The following CTNNA2 variants were observed in gnomAD, a reference collection of about 807,000 sequenced individuals.
The protein encoded by CTNNA2 is catenin alpha-2.
CTNNA2 carries 42 observed loss-of-function variants against 101.0 expected under a neutral mutation model. The ratio of observed to expected loss-of-function variants is 0.42; its 90% confidence interval spans 0.32 to 0.54. The LOEUF (loss-of-function observed/expected upper bound fraction) is 0.54. Ranked by LOEUF, CTNNA2 falls within the 20% of genes least tolerant of loss-of-function variation. The pLI, the probability that CTNNA2 is intolerant of heterozygous loss-of-function variation, is 0.14. For synonymous variants in CTNNA2, 450 were observed against 456.4 expected (o/e 0.99, Z 0.18); for missense variants, 871 against 1,223.1 (o/e 0.71, Z 4.29).
chr2:79,250,620 G>A (rs1674759262), intron 2 of CTNNA2, among the ~76,000 whole-genome samples: 1 of 152,130 alleles, frequency 6.6e-6, no homozygotes, highest in Non-Finnish European at 1.5e-5. Context: ...CCCTGTTGAG[G>A]AGTCTCTGGG....
intron 3 of CTNNA2, chr2:79,339,992 C>T (rs893768324): frequency 6.6e-6 from 1 of 152,274 alleles, no homozygotes; most frequent in South Asian, 2.1e-4. Flanking sequence ...GCTGCTCCGT[C>T]AGATCTCTTC....
intron 4 of CTNNA2, among the ~76,000 whole-genome samples, chr2:79,390,662 T>G (rs182370528): frequency 6.6e-6 from 1 of 152,318 alleles, no homozygotes; most frequent in Non-Finnish European, 1.5e-5. Context: ...AGCTATGCAG[T>G]AACTAGCCCT....
chr2:79,310,961 C>T (rs1676353838), intron 2 of CTNNA2, among the ~76,000 whole-genome samples: 1 of 152,138 alleles, frequency 6.6e-6, no homozygotes, highest in South Asian at 2.1e-4. Flanking sequence ...GTGATTTACA[C>T]CTCAGCTTGG....
At chr2:79,306,893 G>A (rs997815236) in intron 2 of CTNNA2, among the ~76,000 whole-genome samples, 41 of 152,228 alleles carry the variant, frequency 2.7e-4, no homozygotes, top group African/African-American at 9.6e-4. Flanking sequence ...CTCTACATGT[G>A]CATTAGCCAT....
chr2:79,710,713 GTA>G (rs1685687367), intron 2 of CTNNA2, among the ~76,000 whole-genome samples: 1 of 152,098 alleles, frequency 6.6e-6, no homozygotes, highest in Non-Finnish European at 1.5e-5. Flanking sequence ...GTAGATGTGT[GTA>G]TGTTTGTGTG....
At chr2:80,293,239 G>A (rs570535984) in intron 7 of CTNNA2, among the ~76,000 whole-genome samples, 2 of 152,282 alleles carry the variant, frequency 1.3e-5, no homozygotes, top group East Asian at 3.9e-4. Flanking sequence ...GTGTAACTTG[G>A]CTTTTCCAGA....
chr2:79,504,754 C>A (rs963412231), intron 4 of CTNNA2, among the ~76,000 whole-genome samples: 1 of 152,096 alleles, frequency 6.6e-6, no homozygotes, highest in Non-Finnish European at 1.5e-5. Context: ...TCAGGAGAAA[C>A]ATCATGTCAT....
chr2:79,777,897 T>G (rs911510669), intron 3 of CTNNA2, among the ~76,000 whole-genome samples: 49 of 119,780 alleles, frequency 4.1e-4, no homozygotes, highest in African/African-American at 1.3e-3. Context: ...ATGGGGTTTT[T>G]TTTTTTTTTT....
chr2:80,187,298 G>GA (rs1189082004), intron 7 of CTNNA2, among the ~76,000 whole-genome samples: 1 of 152,190 alleles, frequency 6.6e-6, no homozygotes, highest in African/African-American at 2.4e-5. Flanking sequence ...AAAAGTGCCA[G>GA]AAAATGGTGC....
At chr2:79,524,019 C>T (rs1245032233) in intron 1 of CTNNA2, among the ~76,000 whole-genome samples, 1 of 152,038 alleles carries the variant, frequency 6.6e-6, no homozygotes, top group Non-Finnish European at 1.5e-5. Context: ...ATTAAAACTA[C>T]TATTATGATT....
chr2:80,347,040 G>A (rs1473788155), intron 7 of CTNNA2, among the ~76,000 whole-genome samples: 1 of 152,206 alleles, frequency 6.6e-6, no homozygotes, highest in Non-Finnish European at 1.5e-5. Context: ...ATTAAAGGCT[G>A]CAGAGAAGCT....
intron 7 of CTNNA2, among the ~76,000 whole-genome samples, chr2:79,925,199 C>G (rs545628466): frequency 1.3e-5 from 2 of 151,992 alleles, no homozygotes; most frequent in Non-Finnish European, 2.9e-5. Flanking sequence ...ATCTTTTGTA[C>G]GATTGCTGTT....
At chr2:80,643,274 T>G (rs561802501) in intron 18 of CTNNA2, among the ~76,000 whole-genome samples, 2 of 152,118 alleles carry the variant, frequency 1.3e-5, no homozygotes, top group South Asian at 4.2e-4. Flanking sequence ...ATGGGCTCAG[T>G]GGTTAGATGG....
chr2:80,099,901 G>A (rs1469698345), intron 7 of CTNNA2, among the ~76,000 whole-genome samples: 14 of 152,026 alleles, frequency 9.2e-5, no homozygotes, highest in Admixed American at 3.3e-4. Flanking sequence ...TAGTATCAGA[G>A]TCTTTGGGTC....
intron 3 of CTNNA2, among the ~76,000 whole-genome samples, chr2:79,847,906 A>T (rs908891458): frequency 6.6e-6 from 1 of 152,106 alleles, no homozygotes; most frequent in Non-Finnish European, 1.5e-5. Flanking sequence ...TGTGGCATTG[A>T]TTCTTGTTTT....
intron 7 of CTNNA2, among the ~76,000 whole-genome samples, chr2:80,307,916 C>T (rs1395429735): frequency 6.6e-6 from 1 of 152,154 alleles, no homozygotes; most frequent in Non-Finnish European, 1.5e-5. Flanking sequence ...GGAAGGAAGT[C>T]TGGGTTATAT....
intron 16 of CTNNA2, among the ~76,000 whole-genome samples, chr2:80,606,043 CA>C (rs1451790489): frequency 3.3e-5 from 5 of 151,578 alleles, no homozygotes; most frequent in Non-Finnish European, 4.4e-5. Flanking sequence ...AGTATGCATA[CA>C]AAAAAATTAC....
intron 3 of CTNNA2, among the ~76,000 whole-genome samples, chr2:79,763,303 A>C (rs1023256298): frequency 1.3e-5 from 2 of 152,182 alleles, no homozygotes; most frequent in Non-Finnish European, 2.9e-5. Context: ...ATTCAGCTTT[A>C]TATTCATCTT....
chr2:80,627,266 G>A (rs140647561), intron 18 of CTNNA2, among the ~76,000 whole-genome samples: 3,109 of 152,234 alleles, frequency 0.02, 38 homozygotes, highest in Non-Finnish European at 0.028. Flanking sequence ...GGTATTTCTA[G>A]TTCTAGATCC....
Sources: gnomAD v4.1 joint callset for allele counts (sites outside exome capture counted in the v4.1 genomes callset) on GRCh38, gnomAD v4.1.1 for gene constraint, MANE v1.5 for transcripts, NCBI Gene and HGNC (gene_info 2026-07-23, HGNC 2026-07-21) for gene names.